Variants in AAK1 observed in about 807,000 individuals in gnomAD.
The protein encoded by AAK1 is AP2-associated protein kinase 1.
In AAK1, 37 loss-of-function variants were observed where a neutral mutation model predicts 116.0. The observed-to-expected ratio is 0.32, with a 90% CI of 0.25 to 0.42. The LOEUF (loss-of-function observed/expected upper bound fraction) is 0.42. Among genes scored for constraint, AAK1 ranks in the 10% least tolerant of loss-of-function variants. The pLI, the probability that AAK1 is intolerant of heterozygous loss-of-function variation, is 1.00. For missense variants in AAK1, 919 were observed against 1,170.6 expected, an observed-to-expected ratio of 0.79 and a Z score of 3.14; for synonymous variants, 458 against 439.9, an observed-to-expected ratio of 1.04 and a Z score of -0.51.
At chr2:69,487,470 G>C (rs777717803) in intron 17 of AAK1, among the ~76,000 whole-genome samples, 1 of 152,116 alleles carries the variant, frequency 6.6e-6, no homozygotes, top group Admixed American at 6.5e-5. Flanking sequence ...CATCAATCAC[G>C]CTTCACATCA....
intron 2 of AAK1, among the ~76,000 whole-genome samples, chr2:69,629,954 A>G (rs1675088987): frequency 6.6e-6 from 1 of 152,216 alleles, no homozygotes; most frequent in Non-Finnish European, 1.5e-5. Context: ...GCTAGGTAAA[A>G]TAAATCTTAG....
chr2:69,596,274 G>A (rs1673280509), intron 2 of AAK1, among the ~76,000 whole-genome samples: 1 of 148,012 alleles, frequency 6.8e-6, no homozygotes. Flanking sequence ...AGGCTCAAGT[G>A]CAGTGGCGCC....
intron 16 of AAK1, among the ~76,000 whole-genome samples, chr2:69,505,034 A>T (rs561284721): frequency 1.3e-5 from 2 of 152,306 alleles, no homozygotes; most frequent in Non-Finnish European, 2.9e-5. Context: ...TACTTTTAAC[A>T]AAGTCTCATT....
At chr2:69,623,042 C>T (rs113913904) in intron 2 of AAK1, among the ~76,000 whole-genome samples, 19,955 of 151,964 alleles carry the variant, frequency 0.13, 3,039 homozygotes, top group African/African-American at 0.35. Context: ...CCTTCCACAC[C>T]GTGGAAGCTT....
At chr2:69,613,937 C>A (rs1459450423) in intron 2 of AAK1, among the ~76,000 whole-genome samples, 1 of 152,210 alleles carries the variant, frequency 6.6e-6, no homozygotes, top group African/African-American at 2.4e-5. Context: ...GAAATGGGGG[C>A]AGTCTTGAGC....
chr2:69,500,664 AATATATATATATATAT>A (rs34635707), intron 16 of AAK1, among the ~76,000 whole-genome samples: 7 of 60,854 alleles, frequency 1.2e-4, no homozygotes, highest in African/African-American at 2.5e-4. Context: ...AGTCCCTTAA[AATATATATATATATAT>A]ATATATATAT....
chr2:69,473,318 AG>A lies in AAK1; in HGVS notation c.*2550del. On this transcript the variant is annotated 3_prime_UTR_variant, in exon 22 of 22. Coordinates refer to ENST00000409085, the MANE Select transcript of AAK1 (RefSeq NM_014911.5). ...GGTCTCAAAGGTCCCTTTGTAGCTC[AG>A]GCTATGATTCCACAGGTACCAGGAC... 1.0e-6 allele frequency: 1 copy of A among 985,428 alleles called. No individual in the cohort carries two copies. The allele number at this position is 985,428 out of a possible 1,614,324, so 61.0% of individuals were successfully genotyped here. A position where few individuals can be genotyped will look rare whatever the true frequency, so the allele number is the denominator to read the frequency against.
chr2:69,539,075 C>A (rs1473206884), intron 5 of AAK1, among the ~76,000 whole-genome samples: 1 of 152,174 alleles, frequency 6.6e-6, no homozygotes, highest in African/African-American at 2.4e-5. Context: ...CACCACCACC[C>A]TAACAGAGCA....
intron 15 of AAK1, 50 bp downstream of exon 15, chr2:69,507,371 C>A: frequency 6.3e-7 from 1 of 1,582,312 alleles, no homozygotes; most frequent in Non-Finnish European, 8.6e-7. Context: ...TATTTCTTAG[C>A]ACAGAGAATC....
At chr2:69,493,913 G>C (rs1675639634) in intron 17 of AAK1, among the ~76,000 whole-genome samples, 1 of 152,184 alleles carries the variant, frequency 6.6e-6, no homozygotes, top group Non-Finnish European at 1.5e-5. Context: ...ACAAGATGGA[G>C]GGGAACAGCG....
chr2:69,553,525 C>T (rs1221922615), intron 3 of AAK1, among the ~76,000 whole-genome samples: 3 of 134,862 alleles, frequency 2.2e-5, no homozygotes, highest in Admixed American at 8.1e-5. Context: ...CTCACTGTAA[C>T]CTCCGCCTTC....
In AAK1 at chr2:69,474,643, T is replaced by C. The variant is rs1674787364; in HGVS notation, c.*1226A>G. The stretch of plus-strand genomic sequence containing the variant: ...GAAAGGTAAGCTGGGCACACCCAGA[T>C]TGTGTCCAGCTTGTCAGCACACTTA... On this transcript the variant is annotated 3_prime_UTR_variant, in exon 22 of 22. Coordinates refer to ENST00000409085, the MANE Select transcript of AAK1 (RefSeq NM_014911.5). The C allele has an allele frequency of 6.1e-6, 6 of 985,716 alleles. No individual in the cohort carries two copies. The highest frequency in any genetic ancestry group is 9.4e-5 in the South Asian group (2 of 21,280). The allele number at this position is 985,716 out of a possible 1,614,324, so 61.1% of individuals were successfully genotyped here. A position where few individuals can be genotyped will look rare whatever the true frequency, so the allele number is the denominator to read the frequency against.
chr2:69,564,098 A>C (rs1401136628), intron 2 of AAK1, among the ~76,000 whole-genome samples: 1 of 152,146 alleles, frequency 6.6e-6, no homozygotes, highest in Admixed American at 6.5e-5. Context: ...AGGCTGAGGC[A>C]GGAGAATTGC....
intron 3 of AAK1, 63 bp from the exon 4 acceptor site, chr2:69,544,607 G>A: frequency 8.4e-7 from 1 of 1,188,564 alleles, no homozygotes; most frequent in East Asian, 2.3e-5. Context: ...GAATTAGCCA[G>A]TCAGTTCCAT....
intron 2 of AAK1, among the ~76,000 whole-genome samples, chr2:69,583,852 G>A (rs550255688): frequency 2.6e-5 from 4 of 151,792 alleles, no homozygotes; most frequent in Non-Finnish European, 5.9e-5. Context: ...TTCAAGCTAC[G>A]GATCTTCATC....
At chr2:69,477,331 T>G (rs1674891859) in intron 20 of AAK1, among the ~76,000 whole-genome samples, 1 of 152,114 alleles carries the variant, frequency 6.6e-6, no homozygotes, top group Non-Finnish European at 1.5e-5. Flanking sequence ...TTGTCTTCAC[T>G]GAGGGAACAG....
chr2:69,501,740 T>G (rs1259198514), intron 16 of AAK1, among the ~76,000 whole-genome samples: 2 of 151,982 alleles, frequency 1.3e-5, no homozygotes, highest in African/African-American at 4.8e-5. Context: ...GAGGCCGAGG[T>G]GGGTGGATCA....
intron 17 of AAK1, among the ~76,000 whole-genome samples, chr2:69,488,148 A>G (rs144169074): frequency 2.6e-4 from 24 of 94,010 alleles, no homozygotes; most frequent in African/African-American, 1.1e-3. Context: ...GTGTGTGTGG[A>G]CGTGTGTGTG....
intron 15 of AAK1, 125 bp downstream of exon 15, chr2:69,507,296 A>G (rs1222721910): frequency 3.3e-6 from 4 of 1,197,854 alleles, no homozygotes; most frequent in South Asian, 1.7e-5. Context: ...GCCTTATGCA[A>G]AGGCCCAAGC....
Sources: allele counts gnomAD v4.1 joint callset (sites outside exome capture counted in the v4.1 genomes callset), GRCh38; gene constraint gnomAD v4.1.1; transcripts MANE v1.5; gene names NCBI Gene and HGNC (gene_info 2026-07-23, HGNC 2026-07-21).